Variants in BMPR1B observed in about 807,000 individuals in gnomAD.
BMPR1B encodes bone morphogenetic protein receptor type 1B, also known as bone morphogenetic protein receptor type-1B.
Under a neutral mutation model 59.1 loss-of-function variants are expected in BMPR1B, and 12 were observed. The observed-to-expected ratio is 0.20, with a 90% confidence interval of 0.13 to 0.33. The LOEUF is 0.33. Among genes scored for constraint, BMPR1B ranks in the 10% least tolerant of loss-of-function variants. The probability of loss-of-function intolerance (pLI) is 1.00; values close to 1 mark genes in which losing one functional copy is unlikely to be tolerated. For synonymous variants in BMPR1B, 237 were observed against 207.3 expected (o/e 1.14, Z -1.23); for missense variants, 550 against 610.9 (o/e 0.90, Z 1.05).
At chr4:95,059,630 T>TA (rs10685663) in intron 3 of BMPR1B, among the ~76,000 whole-genome samples, 101 of 151,512 alleles carry the variant, frequency 6.7e-4, no homozygotes, top group East Asian at 5.3e-3. Context: ...CCTATTATGG[T>TA]AAAAAAAACA....
chr4:94,944,858 A>G (rs1729650771), intron 2 of BMPR1B, among the ~76,000 whole-genome samples: 2 of 152,214 alleles, frequency 1.3e-5, no homozygotes, highest in Non-Finnish European at 2.9e-5. Context: ...CACATAATAG[A>G]TTCCAGCTTT....
intron 2 of BMPR1B, among the ~76,000 whole-genome samples, chr4:94,908,190 A>G (rs1042666144): frequency 1.3e-5 from 2 of 150,850 alleles, no homozygotes; most frequent in African/African-American, 2.4e-5. Context: ...ACAAGAAGAT[A>G]TTTTTCATAA....
At chr4:94,772,438 T>A (rs1308846862) in intron 1 of BMPR1B, among the ~76,000 whole-genome samples, 2 of 152,090 alleles carry the variant, frequency 1.3e-5, no homozygotes, top group East Asian at 3.9e-4. Context: ...GCCAAGGAGT[T>A]ATGAGGAAAG....
chr4:94,986,032 T>C (rs1721383897), intron 2 of BMPR1B, among the ~76,000 whole-genome samples: 1 of 152,200 alleles, frequency 6.6e-6, no homozygotes, highest in African/African-American at 2.4e-5. Flanking sequence ...TGGTGTTAAG[T>C]ATCAATTATA....
intron 1 of BMPR1B, among the ~76,000 whole-genome samples, chr4:94,789,150 C>T (rs749822420): frequency 8.5e-5 from 13 of 152,290 alleles, no homozygotes; most frequent in South Asian, 6.2e-4. Context: ...GTCCAATTTT[C>T]GTTGCACATC....
intron 2 of BMPR1B, among the ~76,000 whole-genome samples, chr4:94,904,266 A>G (rs1727949586): frequency 6.6e-6 from 1 of 152,000 alleles, no homozygotes; most frequent in East Asian, 1.9e-4. Context: ...GTGTAGTCAT[A>G]TGACTTACAG....
intron 3 of BMPR1B, among the ~76,000 whole-genome samples, chr4:95,016,309 G>A (rs563650757): frequency 3.3e-5 from 5 of 152,034 alleles, no homozygotes; most frequent in South Asian, 4.2e-4. Flanking sequence ...TGAAAGTTCT[G>A]CGTAACTCAG....
chr4:94,921,829 C>A (rs1020546569), intron 2 of BMPR1B, among the ~76,000 whole-genome samples: 7 of 151,926 alleles, frequency 4.6e-5, no homozygotes, highest in African/African-American at 1.7e-4. Context: ...TTTGAAGTAT[C>A]TTTTTAGAAG....
chr4:94,834,958 A>C (rs752225016), intron 1 of BMPR1B, among the ~76,000 whole-genome samples: 8 of 115,724 alleles, frequency 6.9e-5, no homozygotes, highest in Non-Finnish European at 1.2e-4. Context: ...TTTTTTTTTA[A>C]ATTTTGAAAA....
chr4:94,907,455 G>A (rs1421711421), intron 2 of BMPR1B, among the ~76,000 whole-genome samples: 1 of 152,040 alleles, frequency 6.6e-6, no homozygotes, highest in Non-Finnish European at 1.5e-5. Context: ...TTTCAGTTCA[G>A]CACTCAGGCA....
At chr4:94,939,446 CTG>C (rs1442042695) in intron 2 of BMPR1B, among the ~76,000 whole-genome samples, 1 of 152,116 alleles carries the variant, frequency 6.6e-6, no homozygotes, top group African/African-American at 2.4e-5. Flanking sequence ...AATTTAAAGA[CTG>C]TAACTTGAAA....
At chr4:95,031,831 G>C (rs6815752) in intron 3 of BMPR1B, among the ~76,000 whole-genome samples, 41,808 of 151,936 alleles carry the variant, frequency 0.28, 6,509 homozygotes, top group South Asian at 0.43. Context: ...GGAGACTGAG[G>C]TGGGAGGATT....
At chr4:95,035,785 AT>A (rs1455951015) in intron 3 of BMPR1B, among the ~76,000 whole-genome samples, 1 of 152,050 alleles carries the variant, frequency 6.6e-6, no homozygotes, top group East Asian at 1.9e-4. Flanking sequence ...TTCCATATGA[AT>A]TTTAGGATTG....
At chr4:94,804,430 A>G (rs1173974309) in intron 1 of BMPR1B, among the ~76,000 whole-genome samples, 4 of 152,308 alleles carry the variant, frequency 2.6e-5, no homozygotes, top group African/African-American at 9.6e-5. Context: ...GCTTGTAAAA[A>G]AATTGTTAAA....
intron 1 of BMPR1B, among the ~76,000 whole-genome samples, chr4:94,812,995 CTT>C (rs34150265): frequency 0.57 from 84,390 of 148,544 alleles, 23,948 homozygotes; most frequent in Middle Eastern, 0.67. Context: ...ATAGTTTAAG[CTT>C]TTTTTTTTTT....
chr4:95,048,975 A>T (rs115726474), intron 3 of BMPR1B, among the ~76,000 whole-genome samples: 243 of 152,300 alleles, frequency 1.6e-3, no homozygotes, highest in African/African-American at 5.4e-3. Flanking sequence ...TTGATTTTTT[A>T]AAATATTGCT....
chr4:95,085,630 C>T (rs1168208236), intron 3 of BMPR1B, among the ~76,000 whole-genome samples: 3 of 152,104 alleles, frequency 2.0e-5, no homozygotes, highest in South Asian at 4.1e-4. Context: ...CTGGGTTCAC[C>T]GCTTGTGAGG....
intron 2 of BMPR1B, among the ~76,000 whole-genome samples, chr4:94,992,726 A>G (rs556886879): frequency 2.6e-5 from 4 of 152,208 alleles, no homozygotes; most frequent in Non-Finnish European, 4.4e-5. Context: ...AATGCATAAT[A>G]TCATTCATCT....
At chr4:94,951,337 A>G (rs1578841233) in intron 2 of BMPR1B, among the ~76,000 whole-genome samples, 1 of 152,088 alleles carries the variant, frequency 6.6e-6, no homozygotes, top group Non-Finnish European at 1.5e-5. Context: ...GAGAGGGCAT[A>G]CTTGTCTTGT....
Sources: allele counts gnomAD v4.1 joint callset (sites outside exome capture counted in the v4.1 genomes callset), GRCh38; gene constraint gnomAD v4.1.1; transcripts MANE v1.5; gene names NCBI Gene and HGNC (gene_info 2026-07-23, HGNC 2026-07-21).